Variants in RPL41 observed in about 807,000 individuals in gnomAD.
RPL41 encodes the protein ribosomal protein L41, also known as small ribosomal subunit protein eS32.
A neutral mutation model predicts 7.3 loss-of-function variants in RPL41; 3 were observed. That is an observed-to-expected ratio of 0.41 (90% CI 0.19 to 1.06). The LOEUF is 1.06. Ranked by LOEUF, RPL41 falls within the 50% of genes least tolerant of loss-of-function variation. The probability of loss-of-function intolerance (pLI) is 0.32; values close to 1 mark genes in which losing one functional copy is unlikely to be tolerated. For synonymous variants in RPL41, 9 were observed against 7.4 expected (o/e 1.21, Z -0.34); for missense variants, 13 against 30.4 (o/e 0.43, Z 1.35).
chr12:56,117,333 G>A (rs1372542778), intron 2 of RPL41, 122 bp downstream of exon 2: 5 of 1,424,236 alleles, frequency 3.5e-6, no homozygotes, highest in Non-Finnish European at 2.9e-6. Flanking sequence ...TTTTCTCCCT[G>A]GAGCCAGGAT....
chr12:56,117,179 C>CGGTT lies in RPL41; in HGVS notation c.13-8_13-5dup. 6.5e-7 allele frequency: 1 copy of CGGTT among 1,533,438 alleles called. No individual in the cohort carries two copies. Among genetic ancestry groups the CGGTT allele is most frequent in the South Asian group, 1.2e-5 (1 of 81,110 alleles). 95.0% of individuals were successfully genotyped at this position (1,533,438 alleles called of 1,614,324 possible). A position where few individuals can be genotyped will look rare whatever the true frequency, so the allele number is the denominator to read the frequency against. ...TTTTTAATTATCTGCTGCTTGTGAT[C>CGGTT]GGTTGCTAGTGGAGGAAGAAGCGAA... On this transcript the variant is annotated splice_polypyrimidine_tract_variant and intron_variant, in intron 1 of 2. Transcript: ENST00000546591.
In RPL41 at chr12:56,117,917, G is replaced by T; in HGVS notation, c.*393G>T. The T allele has an allele frequency of 3.1e-6, 1 of 320,402 alleles. No individual in the cohort carries two copies. The highest frequency in any genetic ancestry group is 2.5e-5 in the South Asian group (1 of 39,498). The allele number at this position is 320,402 out of a possible 1,614,324, so 19.8% of individuals were successfully genotyped here. On this transcript the variant is annotated 3_prime_UTR_variant, in exon 3 of 3. Coordinates refer to ENST00000546591, the MANE Select transcript of RPL41 (RefSeq NM_001035267.2). ...GCCCTGTCACTACCTGTGCTATGGA[G>T]GGTATCAAAGCTATAAAGGCAACAG...
chr12:56,116,818 T>A lies in RPL41; in HGVS notation c.12+19T>A, dbSNP rs769977639. 6.2e-7 allele frequency: 1 copy of A among 1,613,976 alleles called. No individual in the cohort carries two copies. The highest frequency in any genetic ancestry group is 8.5e-7 in the Non-Finnish European group (1 of 1,179,862). On this transcript the variant is annotated intron_variant, in intron 1 of 2. Coordinates refer to ENST00000546591, the MANE Select transcript of RPL41 (RefSeq NM_001035267.2). ...AGCCAAGGTGAGCGGTTCCTGGTAG[T>A]AAGCTTGGGAGGTAGGAGTTGGCGA...
At chr12:56,117,163 A>ATTTT (rs2136850270) in intron 1 of RPL41, 26 bp from the exon 2 acceptor site, 3 of 1,389,204 alleles carry the variant, frequency 2.2e-6, no homozygotes, top group South Asian at 3.2e-5. Flanking sequence ...TTTTTTAATT[A>ATTTT]TCTGCTGCTT....
rs1243157810 is a variant in RPL41, at chr12:56,116,762, T to A, written c.-26T>A. 1 of 1,613,822 alleles carries A rather than the reference T, an allele frequency of 6.2e-7. No individual in the cohort carries two copies. The highest frequency in any genetic ancestry group is 2.2e-5 in the East Asian group (1 of 44,902). ...CAGCAAACTAACTGTAGCCTTTCTC[T>A]CTTTCCCTGTAGAAACCTCTGCGCC... On this transcript the variant is annotated 5_prime_UTR_variant, in exon 1 of 3. Coordinates refer to ENST00000546591, the MANE Select transcript of RPL41 (RefSeq NM_001035267.2).
In RPL41 at chr12:56,117,178, T is replaced by C; in HGVS notation, c.13-11T>C. On this transcript the variant is annotated splice_polypyrimidine_tract_variant and intron_variant, in intron 1 of 2. Coordinates refer to ENST00000546591, the MANE Select transcript of RPL41 (RefSeq NM_001035267.2). ...TTTTTTAATTATCTGCTGCTTGTGA[T>C]CGGTTGCTAGTGGAGGAAGAAGCGA... 6.3e-7 allele frequency: 1 copy of C among 1,584,090 alleles called. No individual in the cohort carries two copies. Among genetic ancestry groups the C allele is most frequent in the Non-Finnish European group, 8.5e-7 (1 of 1,169,736 alleles).
At chr12:56,117,327 C>T in intron 2 of RPL41, 116 bp downstream of exon 2, 2 of 1,432,200 alleles carry the variant, frequency 1.4e-6, no homozygotes, top group East Asian at 2.5e-5. Flanking sequence ...TGAGTGTTTT[C>T]TCCCTGGAGC....
chr12:56,116,974 G>C (rs1869625357), intron 1 of RPL41, 175 bp downstream of exon 1: 4 of 1,095,602 alleles, frequency 3.7e-6, no homozygotes, highest in Admixed American at 4.1e-5. Flanking sequence ...TGGGTAGAGA[G>C]GGTGGGCTTA....
At chr12:56,117,237 G>C in intron 2 of RPL41, 26 bp downstream of exon 2, 2 of 1,594,174 alleles carry the variant, frequency 1.3e-6, no homozygotes, top group Non-Finnish European at 1.7e-6. Context: ...GCCAGCCCAG[G>C]AGGAGGGAAG....
At chr12:56,116,950 G>A in intron 1 of RPL41, 151 bp downstream of exon 1, 1 of 1,168,882 alleles carries the variant, frequency 8.6e-7, no homozygotes, top group Non-Finnish European at 1.3e-6. Flanking sequence ...GAGAGAGCTA[G>A]CGGTTAAGTG....
At chr12:56,116,976 G>A (rs1470091528) in intron 1 of RPL41, 177 bp downstream of exon 1, 8 of 1,094,878 alleles carry the variant, frequency 7.3e-6, no homozygotes, top group Non-Finnish European at 1.1e-5. Flanking sequence ...GGTAGAGAGG[G>A]TGGGCTTAGA....
At chr12:56,117,380 T>G in intron 2 of RPL41, 102 bp from the exon 3 acceptor site, 2 of 1,439,518 alleles carry the variant, frequency 1.4e-6, no homozygotes, top group East Asian at 4.9e-5. Flanking sequence ...GTAGTGCTTG[T>G]TCATTTTACC....
intron 1 of RPL41, 55 bp from the exon 2 acceptor site, chr12:56,117,134 A>ATCCCTT: frequency 2.2e-6 from 3 of 1,384,040 alleles, no homozygotes; most frequent in Non-Finnish European, 3.0e-6. Flanking sequence ...AATAAGCTTC[A>ATCCCTT]TCCCTTTTTT....
chr12:56,117,228 C>T lies in RPL41; in HGVS notation c.35+17C>T, dbSNP rs748072572. 6 of 1,598,056 alleles carry T rather than the reference C, an allele frequency of 3.8e-6. No individual in the cohort carries two copies. The highest frequency in any genetic ancestry group is 1.4e-5 in the African/African-American group (1 of 73,198). ...AATGCGCAGGTACGTTGAGACTTTG[C>T]CAGCCCAGGAGGAGGGAAGTTCCTT... On this transcript the variant is annotated intron_variant, in intron 2 of 2. Coordinates refer to ENST00000546591, the MANE Select transcript of RPL41 (RefSeq NM_001035267.2).
intron 1 of RPL41, 179 bp downstream of exon 1, chr12:56,116,978 G>C: frequency 9.2e-7 from 1 of 1,090,390 alleles, no homozygotes; most frequent in Non-Finnish European, 1.4e-6. Context: ...TAGAGAGGGT[G>C]GGCTTAGAAA....
rs1032835690 is a variant in RPL41 at position 56,116,641 on chromosome 12, C to G, written c.-147C>G. 1.3e-5 allele frequency: 13 copies of G among 988,520 alleles called. No individual in the cohort carries two copies. Among genetic ancestry groups the G allele is most frequent in the Non-Finnish European group, 1.9e-5 (12 of 619,372 alleles). The allele number at this position is 988,520 out of a possible 1,614,324, so 61.2% of individuals were successfully genotyped here. On this transcript the variant is annotated 5_prime_UTR_variant, in exon 1 of 3. Transcript: ENST00000546591. ...GACGGAACTTCGCCTTTCTCTCGGCCTTAGCGCCATTTTTTTGGGTGAGTG... is the reference window on the plus strand; with the variant it reads ...GACGGAACTTCGCCTTTCTCTCGGCGTTAGCGCCATTTTTTTGGGTGAGTG...
rs908107591 is a variant in RPL41 at position 56,117,841 on chromosome 12, A to G, written c.*317A>G. On this transcript the variant is annotated 3_prime_UTR_variant, in exon 3 of 3. Coordinates refer to ENST00000546591, the MANE Select transcript of RPL41 (RefSeq NM_001035267.2). ...GCTGAAGAATTAAATCATCTTGTCT[A>G]TTATGTTTTTTATGGTTCCATCGGG... is the stretch of plus-strand genomic sequence containing the variant. 2.5e-6 allele frequency: 1 copy of G among 392,650 alleles called. No individual in the cohort carries two copies. Among genetic ancestry groups the G allele is most frequent in the African/African-American group, 2.1e-5 (1 of 48,138 alleles). The allele number at this position is 392,650 out of a possible 1,614,324, so 24.3% of individuals were successfully genotyped here.
At chr12:56,117,258 A>G in intron 2 of RPL41, 47 bp downstream of exon 2, 1 of 1,578,448 alleles carries the variant, frequency 6.3e-7, no homozygotes, top group Non-Finnish European at 8.6e-7. Flanking sequence ...TTCCTTGGAC[A>G]AAACTTAGGA....
chr12:56,117,558 A>C lies in RPL41; in HGVS notation c.*34A>C, dbSNP rs1198695839. ...CTTGTTGCACCGTGGAGGCCACAGG[A>C]GCAGAAACATGGAATGCCAGACGCT... On this transcript the variant is annotated 3_prime_UTR_variant, in exon 3 of 3. Coordinates refer to ENST00000546591, the MANE Select transcript of RPL41 (RefSeq NM_001035267.2). 6.7e-7 allele frequency: 1 copy of C among 1,492,332 alleles called. No homozygotes were observed. The highest frequency in any genetic ancestry group is 1.4e-5 in the African/African-American group (1 of 71,864). The allele number at this position is 1,492,332 out of a possible 1,614,324, so 92.4% of individuals were successfully genotyped here.
Sources: gnomAD v4.1 joint callset for allele counts on GRCh38, gnomAD v4.1.1 for gene constraint, MANE v1.5 for transcripts, NCBI Gene and HGNC (gene_info 2026-07-23, HGNC 2026-07-21) for gene names.